CLDN10: variants seen among roughly 807,000 people sequenced by gnomAD.
CLDN10 encodes the protein claudin-10.
In CLDN10, 15 loss-of-function variants were observed where a neutral mutation model predicts 22.9. That is an observed-to-expected ratio of 0.65 (90% confidence interval 0.44 to 1.01). The LOEUF is 1.01. Ranked by LOEUF, CLDN10 falls within the 50% of genes least tolerant of loss-of-function variation. The pLI is 0.00. For synonymous variants in CLDN10, 114 were observed against 111.4 expected (o/e 1.02, Z -0.15); for missense variants, 247 against 287.8 (o/e 0.86, Z 1.03).
In CLDN10 at chr13:95,578,485, G is replaced by A. The variant is rs2043969749; in HGVS notation, c.*471G>A. On this transcript the variant is annotated 3_prime_UTR_variant, in exon 5 of 5. Transcript: ENST00000299339. ...ATAGACATGTTACTGGCTGCACACAGGCAAATTCTAGTTTGTTTTTTTTAA... is the reference window on the plus strand; with the variant it reads ...ATAGACATGTTACTGGCTGCACACAAGCAAATTCTAGTTTGTTTTTTTTAA... 1.3e-5 allele frequency: 2 copies of A among 152,260 alleles called. No individual in the cohort carries two copies. The highest frequency in any genetic ancestry group is 2.9e-5 in the Non-Finnish European group (2 of 68,078). The allele number at this position is 152,260 out of a possible 1,614,324, so 9.4% of individuals were successfully genotyped here.
chr13:95,477,042 G>T (rs2042691744), intron 1 of CLDN10, among the ~76,000 whole-genome samples: 1 of 152,132 alleles, frequency 6.6e-6, no homozygotes, highest in Non-Finnish European at 1.5e-5. Flanking sequence ...TCCTAGCAGG[G>T]GAGTTGCTCT....
At chr13:95,483,088 C>T (rs374621036) in intron 1 of CLDN10, among the ~76,000 whole-genome samples, 1 of 152,196 alleles carries the variant, frequency 6.6e-6, no homozygotes, top group African/African-American at 2.4e-5. Flanking sequence ...GAGAAAGTGA[C>T]GCTGCCCGTC....
At chr13:95,471,941 ATTTTTTTTTTT>A (rs58891166) in intron 1 of CLDN10, among the ~76,000 whole-genome samples, 1 of 95,816 alleles carries the variant, frequency 1.0e-5, no homozygotes, top group African/African-American at 4.1e-5. Flanking sequence ...ACACTCAGCT[ATTTTTTTTTTT>A]TTTTTTTTTT....
At chr13:95,495,337 C>T (rs1376868725) in intron 1 of CLDN10, among the ~76,000 whole-genome samples, 1 of 151,850 alleles carries the variant, frequency 6.6e-6, no homozygotes, top group Non-Finnish European at 1.5e-5. Context: ...GTGCCCTGCC[C>T]CTTTGCATAT....
intron 1 of CLDN10, among the ~76,000 whole-genome samples, chr13:95,436,917 T>A (rs985425333): frequency 6.6e-6 from 1 of 152,186 alleles, no homozygotes; most frequent in Non-Finnish European, 1.5e-5. Context: ...AGAATGAAAA[T>A]GGTTATATCA....
intron 1 of CLDN10, among the ~76,000 whole-genome samples, chr13:95,544,458 G>A (rs1429706525): frequency 1.3e-5 from 2 of 152,190 alleles, no homozygotes; most frequent in African/African-American, 4.8e-5. Context: ...TAGAGGTGTG[G>A]CAGTTATGAT....
intron 1 of CLDN10, among the ~76,000 whole-genome samples, chr13:95,446,502 T>G (rs1485750819): frequency 2.0e-5 from 3 of 152,264 alleles, no homozygotes; most frequent in Non-Finnish European, 4.4e-5. Flanking sequence ...ATATATGTTA[T>G]GTTAATGACA....
chr13:95,525,037 T>G (rs2138592298), intron 1 of CLDN10, among the ~76,000 whole-genome samples: 1 of 152,126 alleles, frequency 6.6e-6, no homozygotes, highest in Admixed American at 6.5e-5. Flanking sequence ...TTTTGTATTT[T>G]TAGTAGAGAC....
chr13:95,515,261 C>A (rs950549186), intron 1 of CLDN10, among the ~76,000 whole-genome samples: 1 of 152,020 alleles, frequency 6.6e-6, no homozygotes, highest in African/African-American at 2.4e-5. Context: ...TGCAGTGGTA[C>A]GATCTCAGCT....
Position 95,460,975 on chromosome 13 carries a change from G to T in CLDN10, c.214+26928G>T, listed in dbSNP as rs557384761. Among the ~76,000 whole-genome samples the T allele has an allele frequency of 7.2e-5, 11 of 152,220 alleles. No homozygotes were observed. The South Asian group carries it at 2.1e-3, about 29-fold the overall frequency. On this transcript the variant is annotated intron_variant, in intron 1 of 4. Transcript: ENST00000376873. ...AATACAAAAAAGTTAGCTGGATGTG[G>T]GTGGTGCACACCTGTAATCCCAGCT...
chr13:95,546,941 T>C (rs1192375103), intron 1 of CLDN10, among the ~76,000 whole-genome samples: 1 of 152,114 alleles, frequency 6.6e-6, no homozygotes, highest in Non-Finnish European at 1.5e-5. Flanking sequence ...TGCCTTATCA[T>C]TGGTCACTTC....
intron 1 of CLDN10, among the ~76,000 whole-genome samples, chr13:95,555,133 C>G (rs535821496): frequency 2.0e-5 from 3 of 150,266 alleles, no homozygotes; most frequent in Admixed American, 6.7e-5. Context: ...CGACTGCAAC[C>G]TCCGCCTCCC....
At chr13:95,435,497 A>G (rs746308289) in intron 1 of CLDN10, among the ~76,000 whole-genome samples, 4 of 152,230 alleles carry the variant, frequency 2.6e-5, no homozygotes, top group Non-Finnish European at 4.4e-5. Flanking sequence ...GAAATATTCA[A>G]GCGTGGATGC....
chr13:95,440,975 T>A (rs2042319019), intron 1 of CLDN10, among the ~76,000 whole-genome samples: 2 of 152,218 alleles, frequency 1.3e-5, no homozygotes, highest in African/African-American at 4.8e-5. Flanking sequence ...ATCAGAAACT[T>A]TTTAAGACAT....
chr13:95,511,918 A>C lies in CLDN10; in HGVS notation c.215-48214A>C, dbSNP rs566911202. ...CAATGTGCAGGTTAGTTACATTTGT[A>C]TACATGTGCCATGTTGGTGTGCTGC... On this transcript the variant is annotated intron_variant, in intron 1 of 4. Transcript: ENST00000376873. 1.2e-3 allele frequency among the ~76,000 whole-genome samples: 170 copies of C among 140,556 alleles called. 6 individuals are homozygous for C. The highest frequency in any genetic ancestry group is 4.1e-3 in the African/African-American group (164 of 40,248). 92.2% of individuals were successfully genotyped at this position (140,556 alleles called of 152,430 possible).
chr13:95,560,804 T>C, intron 3 of CLDN10: 1 of 211,298 alleles, frequency 4.7e-6, no homozygotes, highest in Non-Finnish European at 9.5e-6. Context: ...GGTGTGCGAA[T>C]AGAAAATTAA....
intron 1 of CLDN10, among the ~76,000 whole-genome samples, chr13:95,477,703 G>A (rs1465882144): frequency 6.6e-6 from 1 of 152,154 alleles, no homozygotes; most frequent in Admixed American, 6.6e-5. Context: ...ATGGTCTGTG[G>A]ACCAGCAGCA....
intron 1 of CLDN10, among the ~76,000 whole-genome samples, chr13:95,507,838 G>T (rs1299828163): frequency 6.6e-6 from 1 of 152,036 alleles, no homozygotes; most frequent in Non-Finnish European, 1.5e-5. Flanking sequence ...GGTTAGAGTG[G>T]TCTTGAACTC....
chr13:95,535,627 G>A (rs1050419496), intron 1 of CLDN10, among the ~76,000 whole-genome samples: 4 of 151,900 alleles, frequency 2.6e-5, no homozygotes, highest in East Asian at 1.9e-4. Flanking sequence ...CCATACCTGC[G>A]AGCCACCAGG....
Sources: allele counts gnomAD v4.1 joint callset (sites outside exome capture counted in the v4.1 genomes callset), GRCh38; gene constraint gnomAD v4.1.1; transcripts MANE v1.5; gene names NCBI Gene and HGNC (gene_info 2026-07-23, HGNC 2026-07-21).